Variants in GINM1 observed in about 807,000 individuals in gnomAD.
The protein encoded by GINM1 is glycoprotein integral membrane protein 1.
A neutral mutation model predicts 37.8 loss-of-function variants in GINM1; 29 were observed. The observed-to-expected ratio is 0.77, with a 90% confidence interval of 0.57 to 1.05. The LOEUF (loss-of-function observed/expected upper bound fraction) is 1.05. Among genes scored for constraint, GINM1 ranks in the 50% least tolerant of loss-of-function variants. The pLI is 0.00. For synonymous variants in GINM1, 143 were observed against 146.2 expected (o/e 0.98, Z 0.16); for missense variants, 377 against 397.9 (o/e 0.95, Z 0.45).
Position 149,585,089 on chromosome 6 carries a change from G to T in GINM1, c.881+2486G>T, listed in dbSNP as rs151005468. Among the ~76,000 whole-genome samples the T allele has an allele frequency of 5.8e-4, 88 of 152,226 alleles. 2 individuals carry two copies. In the East Asian group the frequency reaches 0.016, roughly 28 times the overall value. On this transcript the variant is annotated intron_variant, in intron 7 of 7. Coordinates refer to ENST00000367419, the MANE Select transcript of GINM1 (RefSeq NM_138785.5). ...GTTTAACAGATTTCTTTCCCCTTTGGCTGCCAGGAAGTTCCAAACTTTTTT... is the reference window on the plus strand; with the variant it reads ...GTTTAACAGATTTCTTTCCCCTTTGTCTGCCAGGAAGTTCCAAACTTTTTT...
At chr6:149,587,252 G>T (rs369144933) in intron 7 of GINM1, among the ~76,000 whole-genome samples, 7 of 152,120 alleles carry the variant, frequency 4.6e-5, no homozygotes, top group Admixed American at 1.3e-4. Context: ...ACGTGTGTGG[G>T]GATTTTTCAC....
rs903431697 is a variant in GINM1 at position 149,566,667 on chromosome 6, G to C, written c.120+133G>C. The stretch of plus-strand genomic sequence containing the variant: ...GTCCGGGCCCCCGAAGGAGGTGTGG[G>C]GAGAAGCACCCCAGGAAATGGGGGC... On this transcript the variant is annotated intron_variant, in intron 1 of 7. Coordinates refer to ENST00000367419, the MANE Select transcript of GINM1 (RefSeq NM_138785.5). This position sits in a 1 kb window ranked among gnomAD's most constrained non-coding sequence, Gnocchi z 4.4. The C allele has an allele frequency of 1.4e-5, 17 of 1,225,834 alleles. No homozygotes were observed. The highest frequency in any genetic ancestry group is 1.7e-5 in the Non-Finnish European group (16 of 936,466). 75.9% of individuals were successfully genotyped at this position (1,225,834 alleles called of 1,614,324 possible).
intron 1 of GINM1, among the ~76,000 whole-genome samples, chr6:149,570,143 TATATATATATATATATA>T (rs1562269780): frequency 0.2 from 1,678 of 8,422 alleles, 113 homozygotes; most frequent in Middle Eastern, 0.33. Flanking sequence ...GTTTTATATA[TATATATATATATATATA>T]TATATATATA....
chr6:149,582,420 A>C lies in GINM1; in HGVS notation c.718-20A>C. The C allele has an allele frequency of 6.3e-7, 1 of 1,594,902 alleles. No homozygotes were observed. Among genetic ancestry groups the C allele is most frequent in the Non-Finnish European group, 8.5e-7 (1 of 1,173,754 alleles). On this transcript the variant is annotated intron_variant, in intron 6 of 7. Transcript: ENST00000367419. ...AGAGATTGATGCAACTTGCATATCT[A>C]ATCGAAATTCCTTTTTCAGGTAATG...
At chr6:149,568,796 G>A (rs1327040314) in intron 1 of GINM1, among the ~76,000 whole-genome samples, 1 of 152,046 alleles carries the variant, frequency 6.6e-6, no homozygotes, top group African/African-American at 2.4e-5. Context: ...AGAAGTTGAG[G>A]TAATACAAGA....
At position 149,578,872 on chromosome 6, in the gene GINM1, G is replaced by A; in HGVS notation, c.328G>A (p.Val110Ile). 6 of 1,592,214 alleles carry A rather than the reference G, an allele frequency of 3.8e-6. No individual in the cohort carries two copies. The highest frequency in any genetic ancestry group is 5.2e-6 in the Non-Finnish European group (6 of 1,164,964). ...GGAGGAAAAAGAATATTTTGGAATT[G>A]TCAGTGTAAGGATTTTAGTTCATGA... ...NLEEKEYFGIVSVRILVHEWP... is the reference protein window; with the variant it reads ...NLEEKEYFGIISVRILVHEWP... Residue 110 changes from valine (V) to isoleucine (I), a missense_variant, in exon 4 of 8, where the codon GTC becomes ATC. Physicochemically the swap from Val to Ile is conservative, Grantham distance 29 (BLOSUM62 3). Transcript: ENST00000367419.
rs1777721747 is a variant in GINM1 at position 149,566,590 on chromosome 6, C to T, written c.120+56C>T. The T allele has an allele frequency of 4.9e-6, 7 of 1,426,562 alleles. No homozygotes were observed. In the South Asian group the frequency reaches 8.4e-5, roughly 17 times the overall value. The allele number at this position is 1,426,562 out of a possible 1,614,324, so 88.4% of individuals were successfully genotyped here. On this transcript the variant is annotated intron_variant, in intron 1 of 7. Transcript: ENST00000367419. The surrounding 1 kb of genome is among the most constrained non-coding windows in gnomAD (Gnocchi z 4.4). The stretch of plus-strand genomic sequence containing the variant: ...TACGACTCCGACTCTCCGGGAGGCC[C>T]GGGCTGTCCACAGTGACGCTTCCCA...
intron 3 of GINM1, among the ~76,000 whole-genome samples, chr6:149,578,393 G>A (rs1051761273): frequency 1.6e-4 from 25 of 151,996 alleles, no homozygotes; most frequent in Non-Finnish European, 3.4e-4. Flanking sequence ...GAGCATGGTG[G>A]TGCAAGCCTG....
chr6:149,579,034 T>C (rs1173940169), intron 4 of GINM1, 61 bp downstream of exon 4: 1 of 1,055,266 alleles, frequency 9.5e-7, no homozygotes, highest in African/African-American at 1.6e-5. Context: ...CTAGATATTA[T>C]GCATGTGTTC....
chr6:149,579,801 TA>T, intron 4 of GINM1, 32 bp from the exon 5 acceptor site: 1 of 1,412,420 alleles, frequency 7.1e-7, no homozygotes, highest in Non-Finnish European at 9.6e-7. Flanking sequence ...TGCTACTATT[TA>T]AAATAAAGAA....
rs1410756069 is a variant in GINM1, at chr6:149,582,181, AG to A, written c.718-257del. ...TAGAAAACAATATAAATAATTTTAC[AG>A]GCTATTAACATTTTTGTGCTTGTAT... On this transcript the variant is annotated intron_variant, in intron 6 of 7. Coordinates refer to ENST00000367419, the MANE Select transcript of GINM1 (RefSeq NM_138785.5). 5.4e-6 allele frequency: 3 copies of A among 553,460 alleles called. No homozygotes were observed. The East Asian group carries it at 1.4e-4, about 25-fold the overall frequency. The allele number at this position is 553,460 out of a possible 1,614,324, so 34.3% of individuals were successfully genotyped here.
chr6:149,566,381 C>T lies in GINM1; in HGVS notation c.-34C>T, dbSNP rs1465393314. The T allele has an allele frequency of 1.3e-6, 2 of 1,496,244 alleles. No homozygotes were observed. Among genetic ancestry groups the T allele is most frequent in the African/African-American group, 1.4e-5 (1 of 69,160 alleles). 92.7% of individuals were successfully genotyped at this position (1,496,244 alleles called of 1,614,324 possible). A position where few individuals can be genotyped will look rare whatever the true frequency, so the allele number is the denominator to read the frequency against. On this transcript the variant is annotated 5_prime_UTR_variant, in exon 1 of 8. Coordinates refer to ENST00000367419, the MANE Select transcript of GINM1 (RefSeq NM_138785.5). The surrounding 1 kb of genome is among the most constrained non-coding windows in gnomAD (Gnocchi z 4.4). Reference sequence around the variant, plus strand: ...GCGGGCCGGCTCCGCCCTCACCTCCCGGCCGCGGCTGCCCTCTGCCCGGGT... The same window carrying T: ...GCGGGCCGGCTCCGCCCTCACCTCCTGGCCGCGGCTGCCCTCTGCCCGGGT...
In GINM1 at chr6:149,570,136, TTATATATATATATATATATATATATA is replaced by T. The variant is rs549791771; in HGVS notation, c.121-2112_121-2087del. 9.8e-3 allele frequency among the ~76,000 whole-genome samples: 449 copies of T among 45,820 alleles called. 6 individuals are homozygous for T. The highest frequency in any genetic ancestry group is 0.035 in the Middle Eastern group (4 of 114). The allele number at this position is 45,820 out of a possible 152,430, so 30.1% of individuals were successfully genotyped here. Reference sequence around the variant, plus strand: ...ACTCTGTAATTTTACTAGGTAGGTTTTATATATATATATATATATATATATATATATATATATATATATATATATAT... The same window carrying T: ...ACTCTGTAATTTTACTAGGTAGGTTTTATATATATATATATATATATATAT... On this transcript the variant is annotated intron_variant, in intron 1 of 7. Coordinates refer to ENST00000367419, the MANE Select transcript of GINM1 (RefSeq NM_138785.5).
chr6:149,572,415 T>G (rs1016423225), intron 2 of GINM1, 71 bp downstream of exon 2: 28 of 1,290,154 alleles, frequency 2.2e-5, no homozygotes, highest in Admixed American at 4.3e-5. Context: ...TTTTTTAACT[T>G]GCACGTCTCA....
intron 7 of GINM1, among the ~76,000 whole-genome samples, chr6:149,585,459 A>G (rs780243345): frequency 1.3e-5 from 2 of 152,214 alleles, no homozygotes; most frequent in Admixed American, 6.5e-5. Context: ...ATTGTTCTAC[A>G]TTGCATTTTT....
At chr6:149,578,747 A>G in intron 3 of GINM1, 75 bp from the exon 4 acceptor site, 1 of 1,026,988 alleles carries the variant, frequency 9.7e-7, no homozygotes, top group Non-Finnish European at 1.4e-6. Flanking sequence ...TGTAAATGTC[A>G]TCAAAATAAT....
chr6:149,590,209 CT>C (rs1030221226), intron 7 of GINM1, among the ~76,000 whole-genome samples: 4 of 152,202 alleles, frequency 2.6e-5, no homozygotes, highest in Non-Finnish European at 5.9e-5. Context: ...AGTTACTCCC[CT>C]GTGAACTTTA....
intron 1 of GINM1, among the ~76,000 whole-genome samples, chr6:149,570,222 A>G (rs892706621): frequency 2.3e-5 from 3 of 131,982 alleles, no homozygotes; most frequent in African/African-American, 5.5e-5. Flanking sequence ...TGCTAACAAT[A>G]TAGTGTTCAC....
intron 1 of GINM1, 78 bp from the exon 2 acceptor site, chr6:149,572,207 G>T: frequency 1.3e-6 from 1 of 761,168 alleles, no homozygotes; most frequent in Non-Finnish European, 2.3e-6. Flanking sequence ...AGATACAATT[G>T]GAGGGAAAAG....
Sources: gnomAD v4.1 joint callset for allele counts (sites outside exome capture counted in the v4.1 genomes callset) on GRCh38, gnomAD v4.1.1 for gene constraint, Gnocchi (gnomAD v3.1) non-coding constraint, MANE v1.5 for transcripts, NCBI Gene and HGNC (gene_info 2026-07-23, HGNC 2026-07-21) for gene names.